GRIA4: variants seen among roughly 807,000 people sequenced by gnomAD.
GRIA4 encodes the protein glutamate receptor 4.
In GRIA4, 34 loss-of-function variants were observed where a neutral mutation model predicts 104.0. The ratio of observed to expected loss-of-function variants is 0.33; its 90% CI spans 0.25 to 0.44. The LOEUF (loss-of-function observed/expected upper bound fraction) is 0.44, where lower values mean the gene tolerates loss of function less well. GRIA4 is among the 20% of genes least tolerant of loss of function. GRIA4 has a pLI of 1.00. For synonymous variants in GRIA4, 386 were observed against 381.9 expected (o/e 1.01, Z -0.13); for missense variants, 750 against 1,096.5 (o/e 0.68, Z 4.46).
At chr11:105,911,610 T>A (rs1260034921) in intron 10 of GRIA4, among the ~76,000 whole-genome samples, 1 of 151,198 alleles carries the variant, frequency 6.6e-6, no homozygotes, top group Non-Finnish European at 1.5e-5. Flanking sequence ...AGCCTTCATA[T>A]GTTGTACTTA....
intron 3 of GRIA4, among the ~76,000 whole-genome samples, chr11:105,638,349 A>G (rs1951266081): frequency 6.6e-6 from 1 of 152,198 alleles, no homozygotes; most frequent in Non-Finnish European, 1.5e-5. Flanking sequence ...ATCCACAAAC[A>G]AGGCCCAAAA....
Position 105,610,950 on chromosome 11 carries a change from G to A in GRIA4, c.-48G>A, listed in dbSNP as rs377756622. ...CTTCTCTGAACAGCCTTTAGGAAGA[G>A]TGCGAGAGAAAGAGAGAGAGCGCGC... On this transcript the variant is annotated 5_prime_UTR_variant, in exon 2 of 17. It adds an upstream start codon to the 5' untranslated region. Coordinates refer to ENST00000282499, the MANE Select transcript of GRIA4 (RefSeq NM_000829.4). 1.7e-6 allele frequency: 2 copies of A among 1,146,296 alleles called. No individual in the cohort carries two copies. The highest frequency in any genetic ancestry group is 1.2e-5 in the South Asian group (1 of 81,414). 71.0% of individuals were successfully genotyped at this position (1,146,296 alleles called of 1,614,324 possible). A position where few individuals can be genotyped will look rare whatever the true frequency, so the allele number is the denominator to read the frequency against.
At chr11:105,783,048 C>T (rs1941798901) in intron 4 of GRIA4, among the ~76,000 whole-genome samples, 1 of 152,122 alleles carries the variant, frequency 6.6e-6, no homozygotes, top group African/African-American at 2.4e-5. Flanking sequence ...GGCTATGCCC[C>T]CTTTACTCTA....
chr11:105,928,719 A>G (rs1232432905), intron 13 of GRIA4, among the ~76,000 whole-genome samples: 2 of 152,064 alleles, frequency 1.3e-5, no homozygotes, highest in African/African-American at 2.4e-5. Context: ...TGAGTGATAA[A>G]GGGAAGAAGA....
chr11:105,782,380 C>G (rs965728773), intron 4 of GRIA4, among the ~76,000 whole-genome samples: 7 of 152,154 alleles, frequency 4.6e-5, no homozygotes, highest in African/African-American at 1.7e-4. Flanking sequence ...CTCTGAGACT[C>G]TTAAAATGTG....
chr11:105,836,315 C>T (rs1376342850), intron 4 of GRIA4, among the ~76,000 whole-genome samples: 1 of 152,020 alleles, frequency 6.6e-6, no homozygotes, highest in African/African-American at 2.4e-5. Context: ...AATATTGGCA[C>T]CACGTAATTT....
At chr11:105,725,213 G>A (rs1290134950) in intron 3 of GRIA4, among the ~76,000 whole-genome samples, 1 of 152,134 alleles carries the variant, frequency 6.6e-6, no homozygotes, top group Non-Finnish European at 1.5e-5. Context: ...CTCATCATCT[G>A]TATTCTTAGT....
At chr11:105,667,509 T>A (rs1417311059) in intron 3 of GRIA4, among the ~76,000 whole-genome samples, 1 of 152,034 alleles carries the variant, frequency 6.6e-6, no homozygotes. Flanking sequence ...AAAACTAATA[T>A]CTCCTTTGAG....
At chr11:105,919,724 A>G (rs1205299407) in intron 11 of GRIA4, among the ~76,000 whole-genome samples, 1 of 152,160 alleles carries the variant, frequency 6.6e-6, no homozygotes, top group Non-Finnish European at 1.5e-5. Flanking sequence ...TAGTGATAGC[A>G]CAATATTTCA....
At chr11:105,805,519 A>G (rs953196219) in intron 4 of GRIA4, among the ~76,000 whole-genome samples, 1 of 151,182 alleles carries the variant, frequency 6.6e-6, no homozygotes, top group African/African-American at 2.4e-5. Context: ...AGAAAAACCC[A>G]TATCAGAAGC....
intron 3 of GRIA4, among the ~76,000 whole-genome samples, chr11:105,614,857 A>G (rs986982025): frequency 6.6e-6 from 1 of 151,974 alleles, no homozygotes; most frequent in African/African-American, 2.4e-5. Context: ...TGATTTTCCA[A>G]TCTAATTAAA....
At chr11:105,749,498 C>G (rs1190916409) in intron 3 of GRIA4, among the ~76,000 whole-genome samples, 3 of 152,198 alleles carry the variant, frequency 2.0e-5, no homozygotes, top group Non-Finnish European at 4.4e-5. Context: ...CTCTTCCTCA[C>G]CATGCTGCAA....
intron 8 of GRIA4, 112 bp from the exon 9 acceptor site, chr11:105,905,085 G>A (rs1946994422): frequency 1.6e-6 from 1 of 641,160 alleles, no homozygotes; most frequent in Non-Finnish European, 2.8e-6. Flanking sequence ...TCAGTTAGTT[G>A]GTTATAGTTT....
chr11:105,826,279 A>C (rs895866506), intron 4 of GRIA4, among the ~76,000 whole-genome samples: 3 of 152,012 alleles, frequency 2.0e-5, no homozygotes, highest in African/African-American at 7.2e-5. Flanking sequence ...ATTTCAATCT[A>C]TGCAGCCACT....
At chr11:105,902,767 A>C (rs1433962623) in intron 7 of GRIA4, among the ~76,000 whole-genome samples, 1 of 152,220 alleles carries the variant, frequency 6.6e-6, no homozygotes, top group Admixed American at 6.5e-5. Flanking sequence ...GTTAATTATA[A>C]GGAACTGACC....
In GRIA4 at chr11:105,852,892, T is replaced by C. The variant is rs915210830; in HGVS notation, c.488-9132T>C. Among the ~76,000 whole-genome samples, 4 of 148,834 alleles carry C rather than the reference T, an allele frequency of 2.7e-5. 1 individual carries two copies. In the South Asian group the frequency reaches 6.4e-4, roughly 24 times the overall value. ...AAAAGACGAAAGTAACAGTTTAAAATATCACTTTCAAATCAACCAAAATGA... is the reference window on the plus strand; with the variant it reads ...AAAAGACGAAAGTAACAGTTTAAAACATCACTTTCAAATCAACCAAAATGA... On this transcript the variant is annotated intron_variant, in intron 4 of 16. Coordinates refer to ENST00000282499, the MANE Select transcript of GRIA4 (RefSeq NM_000829.4).
chr11:105,979,524 G>A, intron 16 of GRIA4, 51 bp from the exon 17 acceptor site: 1 of 1,519,486 alleles, frequency 6.6e-7, no homozygotes, highest in Non-Finnish European at 9.1e-7. Flanking sequence ...TGAAGAAACA[G>A]AAATATGGTA....
chr11:105,830,043 T>C (rs528200419), intron 4 of GRIA4, among the ~76,000 whole-genome samples: 1 of 152,146 alleles, frequency 6.6e-6, no homozygotes, highest in Non-Finnish European at 1.5e-5. Flanking sequence ...AAGGACATTT[T>C]CAAAATACTA....
intron 3 of GRIA4, among the ~76,000 whole-genome samples, chr11:105,647,303 C>T (rs748348242): frequency 2.6e-5 from 4 of 151,866 alleles, no homozygotes; most frequent in Non-Finnish European, 2.9e-5. Flanking sequence ...AACATGCTGG[C>T]GAGGTTGGGG....
Sources: gnomAD v4.1 joint callset for allele counts (sites outside exome capture counted in the v4.1 genomes callset) on GRCh38, gnomAD v4.1.1 for gene constraint, MANE v1.5 for transcripts, NCBI Gene and HGNC (gene_info 2026-07-23, HGNC 2026-07-21) for gene names.